The following POLA1 variants were observed in gnomAD, a reference collection of about 807,000 sequenced individuals.
POLA1 encodes the protein DNA polymerase alpha 1, catalytic subunit, also known as DNA polymerase alpha catalytic subunit.
In POLA1, 15 loss-of-function variants were observed where a neutral mutation model predicts 124.0. The ratio of observed to expected loss-of-function variants is 0.12; its 90% CI spans 0.08 to 0.19. The LOEUF (loss-of-function observed/expected upper bound fraction) is 0.19, where lower values mean the gene tolerates loss of function less well. Ranked by LOEUF, POLA1 falls within the 10% of genes least tolerant of loss-of-function variation. The pLI is 1.00. For synonymous variants in POLA1, 408 were observed against 389.4 expected (o/e 1.05, Z -0.56); for missense variants, 886 against 1,103.4 (o/e 0.80, Z 2.79).
intron 26 of POLA1, among the ~76,000 whole-genome samples, chrX:24,786,323 T>G (rs148476660): frequency 1.6e-3 from 177 of 111,847 alleles, no homozygotes; most frequent in African/African-American, 5.6e-3. Flanking sequence ...CACATCCTTG[T>G]TAACATTTGT....
intron 35 of POLA1, among the ~76,000 whole-genome samples, chrX:24,926,425 A>G (rs1168524377): frequency 9.0e-6 from 1 of 111,544 alleles, no homozygotes; most frequent in Non-Finnish European, 1.9e-5. Flanking sequence ...CAAGCCGTAC[A>G]CCTAGTATTT....
chrX:24,826,114 T>G (rs767098604), intron 31 of POLA1, among the ~76,000 whole-genome samples: 1 of 112,436 alleles, frequency 8.9e-6, no homozygotes, highest in Non-Finnish European at 1.9e-5. Context: ...TTTGGTGATA[T>G]GGCAGGTGAA....
chrX:24,946,280 G>A (rs995156740), intron 36 of POLA1, among the ~76,000 whole-genome samples: 13 of 111,464 alleles, frequency 1.2e-4, no homozygotes, highest in Middle Eastern at 4.6e-3. Flanking sequence ...AATTTTGCAC[G>A]TCCTCCAAGC....
At position 24,732,374 on chromosome X, in the gene POLA1, T is replaced by C; in HGVS notation, c.1691T>C (p.Ile564Thr). 1 of 1,187,490 alleles carries C rather than the reference T, an allele frequency of 8.4e-7. No individual in the cohort carries two copies. The highest frequency in any genetic ancestry group is 1.1e-6 in the Non-Finnish European group (1 of 873,468). The part of the protein sequence containing the change: ...QNAKNHQNEI[I>T]AMAALVHHSF... ...TTTTTCCTCCTTTCTTTGCAGATTATTGCTATGGCAGCTTTGGTCCATCAC... is the reference window on the plus strand; with the variant it reads ...TTTTTCCTCCTTTCTTTGCAGATTACTGCTATGGCAGCTTTGGTCCATCAC... The change falls in exon 16 of 37, where the codon ATT (isoleucine) becomes ACT (threonine). Residue 564 changes from isoleucine (I) to threonine (T), a missense_variant. This residue lies in a region of POLA1 where 337 missense variants were observed against 402.8 expected (regional missense o/e 0.84). Coordinates refer to ENST00000379068, the MANE Select transcript of POLA1 (RefSeq NM_001330360.2).
chrX:24,892,979 G>C (rs150904483), intron 35 of POLA1, among the ~76,000 whole-genome samples: 49 of 111,791 alleles, frequency 4.4e-4, no homozygotes, highest in African/African-American at 1.6e-3. Context: ...TACCATTGTA[G>C]GACTTCTGTC....
chrX:24,736,962 T>A (rs760910997), intron 18 of POLA1, among the ~76,000 whole-genome samples: 1 of 112,131 alleles, frequency 8.9e-6, no homozygotes, highest in Non-Finnish European at 1.9e-5. Flanking sequence ...TTGATAAACA[T>A]AGGAAAGTGA....
rs774378427 is a variant in POLA1 at position 24,974,205 on chromosome X, G to A, written c.4262-21600G>A. Among the ~76,000 whole-genome samples the A allele has an allele frequency of 1.7e-4, 19 of 111,128 alleles. No homozygotes were observed. In the South Asian group the frequency reaches 6.9e-3, roughly 41 times the overall value. ...CCAGGATGATTTTGCCTCCCCACCC[G>A]AGGGAACATTTGACAATGTCTGGAG... On this transcript the variant is annotated intron_variant, in intron 36 of 36. Transcript: ENST00000379068.
At position 24,798,413 on chromosome X, in the gene POLA1, C is replaced by T. The variant is rs754327233; in HGVS notation, c.2965-11485C>T. On this transcript the variant is annotated intron_variant, in intron 26 of 36. Coordinates refer to ENST00000379068, the MANE Select transcript of POLA1 (RefSeq NM_001330360.2). ...AGACCAGCCCCTCCTCCTCCTCAGC[C>T]CTACTCAACATGAAGATGATGAGGA... is the stretch of plus-strand genomic sequence containing the variant. 3.6e-5 allele frequency among the ~76,000 whole-genome samples: 4 copies of T among 111,231 alleles called. No homozygotes were observed. In the East Asian group the frequency reaches 8.5e-4, roughly 24 times the overall value.
intron 36 of POLA1, among the ~76,000 whole-genome samples, chrX:24,940,746 T>C (rs2047901476): frequency 8.9e-6 from 1 of 112,354 alleles, no homozygotes; most frequent in African/African-American, 3.2e-5. Context: ...TTCGTTTTTT[T>C]CTTAAAACTT....
rs755019510 is a variant in POLA1 at position 24,836,352 on chromosome X, G to A, written c.3737-5300G>A. ...TTGTTGTACAGGTCCTCTGTCAAAC[G>A]TAAGCATGTATTTTTCTTGGGGATG... On this transcript the variant is annotated intron_variant, in intron 32 of 36. Coordinates refer to ENST00000379068, the MANE Select transcript of POLA1 (RefSeq NM_001330360.2). Among the ~76,000 whole-genome samples the A allele has an allele frequency of 4.5e-5, 5 of 111,885 alleles. No individual in the cohort carries two copies. In the South Asian group the frequency reaches 1.9e-3, roughly 42 times the overall value.
At chrX:24,967,077 C>CT (rs2048231752) in intron 36 of POLA1, among the ~76,000 whole-genome samples, 2 of 110,026 alleles carry the variant, frequency 1.8e-5, no homozygotes, top group African/African-American at 6.6e-5. Flanking sequence ...ATGGGTTGAC[C>CT]TTTTTTGTTT....
chrX:24,866,563 T>C (rs1235407320), intron 34 of POLA1, among the ~76,000 whole-genome samples: 1 of 112,225 alleles, frequency 8.9e-6, no homozygotes. Context: ...AAAATGTATA[T>C]GCTGAGCCTA....
intron 36 of POLA1, among the ~76,000 whole-genome samples, chrX:24,969,069 G>C (rs2048266141): frequency 9.1e-6 from 1 of 110,460 alleles, no homozygotes. Context: ...TTAGCTGGGT[G>C]TGGTGGCACA....
chrX:24,941,926 T>G (rs977179401), intron 36 of POLA1, among the ~76,000 whole-genome samples: 14 of 112,240 alleles, frequency 1.2e-4, no homozygotes, highest in Non-Finnish European at 2.4e-4. Context: ...GCTTTTCTTG[T>G]TCTAAGAAAT....
intron 26 of POLA1, among the ~76,000 whole-genome samples, chrX:24,755,341 C>T (rs778416198): frequency 8.9e-6 from 1 of 112,052 alleles, no homozygotes; most frequent in Non-Finnish European, 1.9e-5. Context: ...GTTGCATAAT[C>T]CTTGATATTC....
chrX:24,878,095 C>T (rs1184666224), intron 34 of POLA1, among the ~76,000 whole-genome samples: 1 of 110,684 alleles, frequency 9.0e-6, no homozygotes, highest in Non-Finnish European at 1.9e-5. Flanking sequence ...GTTCTGTTTA[C>T]AGACTATTCA....
intron 4 of POLA1, among the ~76,000 whole-genome samples, chrX:24,706,134 A>C (rs1403186364): frequency 1.8e-5 from 2 of 112,346 alleles, no homozygotes; most frequent in Non-Finnish European, 1.9e-5. Flanking sequence ...CTTCTTTTAA[A>C]AATTAATGCT....
intron 26 of POLA1, among the ~76,000 whole-genome samples, chrX:24,749,968 G>A (rs1056549132): frequency 6.2e-5 from 7 of 112,027 alleles, no homozygotes; most frequent in Non-Finnish European, 1.3e-4. Flanking sequence ...AAGGAGGTAG[G>A]TAGTGGTCAT....
chrX:24,852,267 G>A (rs1201330145), intron 34 of POLA1, among the ~76,000 whole-genome samples: 1 of 110,312 alleles, frequency 9.1e-6, no homozygotes, highest in Non-Finnish European at 1.9e-5. Context: ...GTGGGTGTTG[G>A]TTTGTTTTGA....
Sources: allele counts gnomAD v4.1 joint callset (sites outside exome capture counted in the v4.1 genomes callset), GRCh38; gene constraint gnomAD v4.1.1; regional missense constraint gnomAD v4.1.1; transcripts MANE v1.5; gene names NCBI Gene and HGNC (gene_info 2026-07-23, HGNC 2026-07-21).